The following AAK1 variants were observed in gnomAD, a reference collection of about 807,000 sequenced individuals.
The protein encoded by AAK1 is AP2 associated kinase 1.
A neutral mutation model predicts 116.0 loss-of-function variants in AAK1; 37 were observed. The ratio of observed to expected loss-of-function variants is 0.32; its 90% CI spans 0.25 to 0.42. The LOEUF (loss-of-function observed/expected upper bound fraction) is 0.42, where lower values mean the gene tolerates loss of function less well. Ranked by LOEUF, AAK1 falls within the 10% of genes least tolerant of loss-of-function variation. The pLI is 1.00. For missense variants in AAK1, 919 were observed against 1,170.6 expected (o/e 0.79, Z 3.14); for synonymous variants, 458 against 439.9 (o/e 1.04, Z -0.51).
intron 2 of AAK1, among the ~76,000 whole-genome samples, chr2:69,608,102 A>T (rs1673888911): frequency 1.3e-5 from 2 of 152,238 alleles, no homozygotes; most frequent in South Asian, 4.1e-4. Context: ...AGGCCCAGCT[A>T]GCTTTCTAAG....
At chr2:69,534,893 T>C (rs1670398144) in intron 5 of AAK1, among the ~76,000 whole-genome samples, 1 of 152,214 alleles carries the variant, frequency 6.6e-6, no homozygotes, top group South Asian at 2.1e-4. Context: ...TGTGGGTTGG[T>C]ATTTAACTTC....
chr2:69,499,577 T>A (rs931733199), intron 16 of AAK1, among the ~76,000 whole-genome samples: 1 of 152,218 alleles, frequency 6.6e-6, no homozygotes, highest in Non-Finnish European at 1.5e-5. Flanking sequence ...CTTATTCCTG[T>A]TACTATTCTT....
At chr2:69,574,840 G>T (rs191399049) in intron 2 of AAK1, among the ~76,000 whole-genome samples, 1 of 152,056 alleles carries the variant, frequency 6.6e-6, no homozygotes, top group East Asian at 1.9e-4. Context: ...GTGCACACTT[G>T]TGGTCCTAGC....
intron 2 of AAK1, among the ~76,000 whole-genome samples, chr2:69,569,807 T>C (rs1003397787): frequency 6.6e-6 from 1 of 152,184 alleles, no homozygotes; most frequent in Non-Finnish European, 1.5e-5. Flanking sequence ...AATGTATTAG[T>C]AGTTTGTTAA....
intron 3 of AAK1, among the ~76,000 whole-genome samples, chr2:69,551,263 C>T (rs1202635548): frequency 6.6e-6 from 1 of 152,022 alleles, no homozygotes; most frequent in East Asian, 1.9e-4. Context: ...GGAGAGAGAG[C>T]ATCAGGAAGA....
chr2:69,542,158 T>C (rs1199245211), intron 5 of AAK1, among the ~76,000 whole-genome samples: 2 of 152,214 alleles, frequency 1.3e-5, no homozygotes, highest in Non-Finnish European at 2.9e-5. Flanking sequence ...AATCAATTAG[T>C]TGATTTTGCA....
At position 69,473,146 on chromosome 2, in the gene AAK1, T is replaced by A. The variant is rs1413798426; in HGVS notation, c.*2723A>T. The A allele has an allele frequency of 2.5e-6, 2 of 800,554 alleles. No individual in the cohort carries two copies. The highest frequency in any genetic ancestry group is 1.2e-4 in the Admixed American group (2 of 16,044). The allele number at this position is 800,554 out of a possible 1,614,324, so 49.6% of individuals were successfully genotyped here. On this transcript the variant is annotated 3_prime_UTR_variant, in exon 22 of 22. Coordinates refer to ENST00000409085, the MANE Select transcript of AAK1 (RefSeq NM_014911.5). ...CAGCAACTCTGAGAGGTGAAGTGCC[T>A]GCTGAAGGTCACTCAGCCAGTGGCT...
chr2:69,574,689 C>T lies in AAK1; in HGVS notation c.164-17711G>A, dbSNP rs115201433. Among the ~76,000 whole-genome samples the T allele has an allele frequency of 2.0e-3, 302 of 152,036 alleles. 2 individuals carry two copies. The South Asian group carries it at 0.024, about 12-fold the overall frequency. On this transcript the variant is annotated intron_variant, in intron 2 of 21. Coordinates refer to ENST00000409085, the MANE Select transcript of AAK1 (RefSeq NM_014911.5). ...TAAAATATTGAACATTAAATGTACA[C>T]GACGGGGATGGTGGCTCATGCCCAT... is the stretch of plus-strand genomic sequence containing the variant.
intron 2 of AAK1, among the ~76,000 whole-genome samples, chr2:69,601,216 G>C (rs142558798): frequency 1.3e-5 from 2 of 152,158 alleles, no homozygotes; most frequent in Non-Finnish European, 2.9e-5. Flanking sequence ...ATACCACTGG[G>C]TGTTTTTAAT....
chr2:69,466,442 G>A lies in AAK1; in HGVS notation c.*9427C>T. On this transcript the variant is annotated 3_prime_UTR_variant, in exon 22 of 22. Coordinates refer to ENST00000409085, the MANE Select transcript of AAK1 (RefSeq NM_014911.5). ...ATTCTAAGTTGTTCTGAGTCTTTGT[G>A]CCAGGTACTCTGGAGGGGTCTGGAT... 7.8e-6 allele frequency: 10 copies of A among 1,289,566 alleles called. No homozygotes were observed. Among genetic ancestry groups the A allele is most frequent in the Non-Finnish European group, 1.0e-5 (10 of 988,742 alleles). 79.9% of individuals were successfully genotyped at this position (1,289,566 alleles called of 1,614,324 possible).
At chr2:69,548,895 AC>A (rs1447654441) in intron 3 of AAK1, among the ~76,000 whole-genome samples, 2 of 151,538 alleles carry the variant, frequency 1.3e-5, no homozygotes, top group African/African-American at 2.4e-5. Flanking sequence ...GAGCCACCAC[AC>A]CCGGCCAACA....
intron 5 of AAK1, among the ~76,000 whole-genome samples, chr2:69,540,028 G>A (rs999395762): frequency 6.6e-6 from 1 of 151,246 alleles, no homozygotes; most frequent in Non-Finnish European, 1.5e-5. Flanking sequence ...TAGGAACAAT[G>A]TTATATTTGT....
chr2:69,495,454 G>C (rs1364625564), intron 17 of AAK1, among the ~76,000 whole-genome samples: 1 of 152,184 alleles, frequency 6.6e-6, no homozygotes, highest in Non-Finnish European at 1.5e-5. Flanking sequence ...GGCAGAGCCT[G>C]GAAGGGAACC....
intron 2 of AAK1, among the ~76,000 whole-genome samples, chr2:69,581,534 A>G (rs957266792): frequency 6.6e-6 from 1 of 152,238 alleles, no homozygotes; most frequent in Non-Finnish European, 1.5e-5. Context: ...TTGAAAATGG[A>G]CTGGCCCACC....
intron 2 of AAK1, among the ~76,000 whole-genome samples, chr2:69,610,554 G>C (rs1674032134): frequency 1.3e-5 from 2 of 152,130 alleles, no homozygotes; most frequent in Non-Finnish European, 2.9e-5. Context: ...ACTAGCAAAA[G>C]AGTAGAAAGG....
intron 2 of AAK1, among the ~76,000 whole-genome samples, chr2:69,640,024 C>CACACACAT (rs1675634693): frequency 7.4e-6 from 1 of 134,440 alleles, no homozygotes; most frequent in Admixed American, 7.5e-5. Context: ...AACACACACA[C>CACACACAT]ACACACACAC....
chr2:69,490,706 C>T (rs1300112165), intron 17 of AAK1, among the ~76,000 whole-genome samples: 1 of 151,742 alleles, frequency 6.6e-6, no homozygotes, highest in African/African-American at 2.4e-5. Flanking sequence ...GTTTCAGTTT[C>T]ACAAGTTGAA....
chr2:69,600,393 C>T (rs1673522707), intron 2 of AAK1, among the ~76,000 whole-genome samples: 1 of 149,730 alleles, frequency 6.7e-6, no homozygotes, highest in African/African-American at 2.5e-5. Context: ...AAAATACCAA[C>T]ATTAATAGGA....
At position 69,554,638 on chromosome 2, in the gene AAK1, T is replaced by C. The variant is rs1000636312; in HGVS notation, c.282+2222A>G. On this transcript the variant is annotated intron_variant, in intron 3 of 21. Coordinates refer to ENST00000409085, the MANE Select transcript of AAK1 (RefSeq NM_014911.5). ...TTACGTCTTTACTTCCCATAGGAGATAATGCCTAAAATGGAAGAAAAATCA... is the reference window on the plus strand; with the variant it reads ...TTACGTCTTTACTTCCCATAGGAGACAATGCCTAAAATGGAAGAAAAATCA... Among the ~76,000 whole-genome samples the C allele has an allele frequency of 4.6e-5, 7 of 152,282 alleles. No individual in the cohort carries two copies. The South Asian group carries it at 1.2e-3, about 27-fold the overall frequency.
Sources: allele counts gnomAD v4.1 joint callset (sites outside exome capture counted in the v4.1 genomes callset), GRCh38; gene constraint gnomAD v4.1.1; transcripts MANE v1.5; gene names NCBI Gene and HGNC (gene_info 2026-07-23, HGNC 2026-07-21).